LDB2: variants seen among roughly 807,000 people sequenced by gnomAD.
LDB2 encodes LIM domain binding 2.
Under a neutral mutation model 44.3 loss-of-function variants are expected in LDB2, and 12 were observed. The observed-to-expected ratio is 0.27, with a 90% CI of 0.17 to 0.44. The LOEUF (loss-of-function observed/expected upper bound fraction) is 0.44. Among genes scored for constraint, LDB2 ranks in the 20% least tolerant of loss-of-function variants. The pLI, the probability that LDB2 is intolerant of heterozygous loss-of-function variation, is 1.00. For missense variants in LDB2, 344 were observed against 473.5 expected, an observed-to-expected ratio of 0.73 and a Z score of 2.54; for synonymous variants, 164 against 174.8, an observed-to-expected ratio of 0.94 and a Z score of 0.49.
chr4:16,613,817 C>T (rs1014209791), intron 2 of LDB2, among the ~76,000 whole-genome samples: 3 of 152,054 alleles, frequency 2.0e-5, no homozygotes, highest in African/African-American at 4.8e-5. Context: ...TAGGAAGAAT[C>T]GATATTGAGA....
intron 1 of LDB2, among the ~76,000 whole-genome samples, chr4:16,817,164 G>A (rs1781099207): frequency 6.6e-6 from 1 of 152,174 alleles, no homozygotes; most frequent in African/African-American, 2.4e-5. Context: ...ACATATTTTT[G>A]TAAAGGATCG....
At chr4:16,657,476 C>T (rs1740229050) in intron 2 of LDB2, among the ~76,000 whole-genome samples, 2 of 152,188 alleles carry the variant, frequency 1.3e-5, no homozygotes, top group Non-Finnish European at 2.9e-5. Context: ...CCTTGTCATC[C>T]ATTATCTATG....
chr4:16,787,549 G>A (rs570002452), intron 1 of LDB2, among the ~76,000 whole-genome samples: 23 of 152,250 alleles, frequency 1.5e-4, no homozygotes, highest in Admixed American at 1.0e-3. Flanking sequence ...AGGAGGCTAC[G>A]GTTGCAGTGA....
chr4:16,766,657 C>T (rs547370577), intron 1 of LDB2, among the ~76,000 whole-genome samples: 1 of 151,850 alleles, frequency 6.6e-6, no homozygotes, highest in African/African-American at 2.4e-5. Context: ...AGGCGCCCAC[C>T]ACCACGCCCA....
intron 2 of LDB2, among the ~76,000 whole-genome samples, chr4:16,747,739 C>T (rs1365535276): frequency 6.6e-6 from 1 of 151,976 alleles, no homozygotes; most frequent in African/African-American, 2.4e-5. Flanking sequence ...TACCTGAGAA[C>T]CATCTCAGGT....
intron 1 of LDB2, among the ~76,000 whole-genome samples, chr4:16,793,090 G>A (rs1232274762): frequency 6.6e-6 from 1 of 152,158 alleles, no homozygotes; most frequent in Non-Finnish European, 1.5e-5. Flanking sequence ...TCTTTGTACA[G>A]CTTAAACGTT....
At chr4:16,788,278 G>A (rs1774917655) in intron 1 of LDB2, among the ~76,000 whole-genome samples, 1 of 152,238 alleles carries the variant, frequency 6.6e-6, no homozygotes, top group Admixed American at 6.5e-5. Flanking sequence ...TTTGCTCACT[G>A]CCAGTGCCGG....
chr4:16,810,291 A>C (rs1779599068), intron 1 of LDB2, among the ~76,000 whole-genome samples: 2 of 152,168 alleles, frequency 1.3e-5, no homozygotes, highest in Non-Finnish European at 2.9e-5. Flanking sequence ...TCCTAAAAGA[A>C]ACCCTCCAAA....
intron 2 of LDB2, among the ~76,000 whole-genome samples, chr4:16,659,984 G>T (rs1741096410): frequency 6.6e-6 from 1 of 152,212 alleles, no homozygotes; most frequent in South Asian, 2.1e-4. Flanking sequence ...TTAGACCAGT[G>T]GATGTCAGCA....
chr4:16,590,060 A>G (rs963028280), intron 3 of LDB2, among the ~76,000 whole-genome samples: 1 of 152,226 alleles, frequency 6.6e-6, no homozygotes, highest in South Asian at 2.1e-4. Context: ...ATGCTACCCA[A>G]GAAAACACAA....
At position 16,669,649 on chromosome 4, in the gene LDB2, G is replaced by A. The variant is rs144793355; in HGVS notation, c.236-73774C>T. The stretch of plus-strand genomic sequence containing the variant: ...ATGGAAAACACATGTGAGTCAGAAA[G>A]GTGAAGTTACTTAAGTAATTTGTCT... On this transcript the variant is annotated intron_variant, in intron 2 of 7. Transcript: ENST00000304523. 3.4e-3 allele frequency among the ~76,000 whole-genome samples: 525 copies of A among 152,324 alleles called. 3 individuals carry two copies. The highest frequency in any genetic ancestry group is 0.012 in the African/African-American group (509 of 41,558).
intron 1 of LDB2, among the ~76,000 whole-genome samples, chr4:16,767,506 G>A (rs1579477146): frequency 6.6e-6 from 1 of 152,216 alleles, no homozygotes; most frequent in African/African-American, 2.4e-5. Context: ...CTTCTGATCT[G>A]GGACACGTGT....
intron 2 of LDB2, among the ~76,000 whole-genome samples, chr4:16,742,264 G>T (rs1398097698): frequency 6.6e-6 from 1 of 151,944 alleles, no homozygotes; most frequent in Non-Finnish European, 1.5e-5. Flanking sequence ...TAGAGACGGG[G>T]CTTCACCATG....
At chr4:16,821,645 T>C (rs566111391) in intron 1 of LDB2, among the ~76,000 whole-genome samples, 84 of 142,898 alleles carry the variant, frequency 5.9e-4, no homozygotes, top group South Asian at 1.2e-3. Flanking sequence ...CACCTCGGCC[T>C]CCCAAAGTGC....
intron 1 of LDB2, among the ~76,000 whole-genome samples, chr4:16,875,203 A>T (rs1335278368): frequency 6.6e-6 from 1 of 152,194 alleles, no homozygotes; most frequent in African/African-American, 2.4e-5. Flanking sequence ...ATACCAAAAA[A>T]GTCAATTAAG....
chr4:16,715,130 GC>G (rs1756810460), intron 2 of LDB2, among the ~76,000 whole-genome samples: 1 of 152,190 alleles, frequency 6.6e-6, no homozygotes, highest in Admixed American at 6.5e-5. Context: ...TGTGATAGAA[GC>G]TTGTATTGTA....
At chr4:16,761,771 T>A (rs1767976821) in intron 1 of LDB2, among the ~76,000 whole-genome samples, 1 of 152,144 alleles carries the variant, frequency 6.6e-6, no homozygotes. Flanking sequence ...TAAAATGCCC[T>A]TTCCCTGCCT....
intron 1 of LDB2, among the ~76,000 whole-genome samples, chr4:16,864,478 G>A (rs983923909): frequency 1.3e-5 from 2 of 152,168 alleles, no homozygotes; most frequent in African/African-American, 4.8e-5. Context: ...AATACAGTAA[G>A]TGTAAGACTC....
chr4:16,806,013 T>C (rs2109799337), intron 1 of LDB2, among the ~76,000 whole-genome samples: 1 of 152,356 alleles, frequency 6.6e-6, no homozygotes, highest in Non-Finnish European at 1.5e-5. Context: ...ACACTTACTA[T>C]GTGATTGGTT....
Sources: gnomAD v4.1 joint callset for allele counts (sites outside exome capture counted in the v4.1 genomes callset) on GRCh38, gnomAD v4.1.1 for gene constraint, MANE v1.5 for transcripts, NCBI Gene and HGNC (gene_info 2026-07-23, HGNC 2026-07-21) for gene names.